The following COX11 variants were observed in gnomAD, a reference collection of about 807,000 sequenced individuals.
COX11 encodes cytochrome c oxidase assembly protein COX11, mitochondrial.
Under a neutral mutation model 29.4 loss-of-function variants are expected in COX11, and 18 were observed. The observed-to-expected ratio is 0.61, with a 90% CI of 0.42 to 0.91. COX11 has a LOEUF of 0.91. COX11 is among the 40% of genes least tolerant of loss of function. The pLI is 0.00. For missense variants in COX11, 312 were observed against 346.0 expected, an observed-to-expected ratio of 0.90 and a Z score of 0.78; for synonymous variants, 131 against 124.0, an observed-to-expected ratio of 1.06 and a Z score of -0.38.
Position 54,964,872 on chromosome 17 carries a change from A to G in COX11, c.367-20T>C, listed in dbSNP as rs781387553. ...AGTAGTCTAGAAAAAGATACCAAAT[A>G]TGTTAAACAATACTTTTAGGTGTTG... is the stretch of plus-strand genomic sequence containing the variant. On this transcript the variant is annotated intron_variant, in intron 1 of 3. Transcript: ENST00000299335. The G allele has an allele frequency of 1.9e-6, 3 of 1,606,284 alleles. No individual in the cohort carries two copies. In the African/African-American group the frequency reaches 4.0e-5, roughly 22 times the overall value.
At chr17:54,955,753 C>T (rs1170081884), downstream of COX11, among the ~76,000 whole-genome samples, 1 of 152,176 alleles carries the variant, frequency 6.6e-6, no homozygotes, top group Non-Finnish European at 1.5e-5. Flanking sequence ...GACCTAGGTC[C>T]TAATCCTGAC....
chr17:54,957,342 T>C (rs187055905), downstream of COX11: 1 of 152,248 alleles, frequency 6.6e-6, no homozygotes, highest in African/African-American at 2.4e-5. Context: ...TTCTGCCTGA[T>C]AGAGTAGATA....
At chr17:54,960,054 TAA>T (rs1323956066), downstream of COX11, among the ~76,000 whole-genome samples, 3 of 152,130 alleles carry the variant, frequency 2.0e-5, no homozygotes, top group African/African-American at 7.2e-5. Context: ...TACATACTTT[TAA>T]GAGACATAGG....
At chr17:54,963,507 A>C in intron 2 of COX11, 76 bp from the exon 3 acceptor site, 24 of 1,446,802 alleles carry the variant, frequency 1.7e-5, no homozygotes, top group Non-Finnish European at 2.0e-5. Context: ...AATTAGTCTC[A>C]TTATTTTGCC....
intron 1 of COX11, among the ~76,000 whole-genome samples, chr17:54,967,381 G>A (rs2077257350): frequency 6.6e-6 from 1 of 152,174 alleles, no homozygotes; most frequent in Admixed American, 6.5e-5. Flanking sequence ...CTCTGGGGTA[G>A]GGGATCCCTG....
exon 1 of COX11, chr17:54,955,122 T>C (rs1167065938): frequency 6.6e-6 from 1 of 152,212 alleles, no homozygotes; most frequent in Non-Finnish European, 1.5e-5. Flanking sequence ...AGATTAATGA[T>C]GACACAAATC....
Position 54,964,862 on chromosome 17 carries a change from G to T in COX11, c.367-10C>A, listed in dbSNP as rs747003204. The T allele has an allele frequency of 1.2e-6, 2 of 1,610,276 alleles. No individual in the cohort carries two copies. The highest frequency in any genetic ancestry group is 4.5e-5 in the East Asian group (2 of 44,846). On this transcript the variant is annotated splice_polypyrimidine_tract_variant and intron_variant, in intron 1 of 3. Transcript: ENST00000299335. Reference sequence around the variant, plus strand: ...CTCCAAGTCCAGTAGTCTAGAAAAAGATACCAAATATGTTAAACAATACTT... The same window carrying T: ...CTCCAAGTCCAGTAGTCTAGAAAAATATACCAAATATGTTAAACAATACTT...
At chr17:54,955,915 C>G (rs946183081), downstream of COX11, among the ~76,000 whole-genome samples, 1 of 152,172 alleles carries the variant, frequency 6.6e-6, no homozygotes, top group Non-Finnish European at 1.5e-5. Context: ...GTGGACTACA[C>G]TAGACACCAG....
At chr17:54,956,041 G>A (rs1208711574), downstream of COX11, among the ~76,000 whole-genome samples, 2 of 152,174 alleles carry the variant, frequency 1.3e-5, no homozygotes, top group Non-Finnish European at 2.9e-5. Flanking sequence ...GGGAGGTCAA[G>A]TCAGGGCTCA....
intron 3 of COX11, 49 bp from the exon 4 acceptor site, chr17:54,962,964 T>A (rs1291415232): frequency 1.3e-6 from 2 of 1,484,790 alleles, no homozygotes; most frequent in Non-Finnish European, 1.9e-6. Flanking sequence ...TCGTATTACA[T>A]AACAGAAACT....
At chr17:54,952,804 C>T (rs2049303359) in exon 1 of COX11, 1 of 152,254 alleles carries the variant, frequency 6.6e-6, no homozygotes, top group Non-Finnish European at 1.5e-5. Flanking sequence ...GGAACTAGGG[C>T]CAGCATGGCA....
chr17:54,960,543 T>C lies in COX11; in HGVS notation c.*2190A>G. On this transcript the variant is annotated 3_prime_UTR_variant, in exon 4 of 4. Transcript: ENST00000299335. ...ACTTTGAAATTGATACATAACCCTTTTGCTGTGATGGCTTTGTTTCAGAGC... is the reference window on the plus strand; with the variant it reads ...ACTTTGAAATTGATACATAACCCTTCTGCTGTGATGGCTTTGTTTCAGAGC... The C allele has an allele frequency of 6.2e-7, 1 of 1,605,538 alleles. No homozygotes were observed. The highest frequency in any genetic ancestry group is 2.2e-5 in the East Asian group (1 of 44,782).
intron 1 of COX11, among the ~76,000 whole-genome samples, chr17:54,967,979 G>T (rs1400053883): frequency 2.8e-5 from 4 of 145,344 alleles, no homozygotes; most frequent in African/African-American, 1.0e-4. Context: ...CTAGATACCC[G>T]GTTAGAGGCT....
rs539645216 is a variant in COX11, at chr17:54,952,272, G to A, written n.2878C>T. ...AACAGAATTAGAAGTATGGCTATTAGGCCTGATGTGGTGGCTCACCCCTGT... is the reference window on the plus strand; with the variant it reads ...AACAGAATTAGAAGTATGGCTATTAAGCCTGATGTGGTGGCTCACCCCTGT... On this transcript the variant is annotated non_coding_transcript_exon_variant, in exon 1 of 1. Transcript: ENST00000572088. 5.3e-5 allele frequency: 8 copies of A among 152,246 alleles called. No individual in the cohort carries two copies. The East Asian group carries it at 1.5e-3, about 29-fold the overall frequency. 9.4% of individuals were successfully genotyped at this position (152,246 alleles called of 1,614,324 possible).
At position 54,961,552 on chromosome 17, in the gene COX11, A is replaced by G; in HGVS notation, c.*1181T>C. On this transcript the variant is annotated 3_prime_UTR_variant, in exon 4 of 4. Coordinates refer to ENST00000299335, the MANE Select transcript of COX11 (RefSeq NM_004375.5). ...TTCACAGGCCTTCCTACATTTAGAA[A>G]TCGTCACACAGCTGTGATAAGAGTA... 1 of 1,365,082 alleles carries G rather than the reference A, an allele frequency of 7.3e-7. No individual in the cohort carries two copies. Among genetic ancestry groups the G allele is most frequent in the Non-Finnish European group, 9.4e-7 (1 of 1,060,768 alleles). The allele number at this position is 1,365,082 out of a possible 1,614,324, so 84.6% of individuals were successfully genotyped here.
rs559184696 is a variant in COX11 at position 54,962,679 on chromosome 17, G to A, written c.*54C>T. 6.3e-7 allele frequency: 1 copy of A among 1,580,474 alleles called. No individual in the cohort carries two copies. The highest frequency in any genetic ancestry group is 1.4e-5 in the African/African-American group (1 of 73,448). On this transcript the variant is annotated 3_prime_UTR_variant, in exon 4 of 4. Transcript: ENST00000299335. ...CAATATTTCTCCTTTGAGAAGATAG[G>A]ATATATGATTTTCCCAAAAATCACA...
intron 1 of COX11, among the ~76,000 whole-genome samples, chr17:54,965,397 T>C (rs1458456022): frequency 6.6e-6 from 1 of 152,244 alleles, no homozygotes; most frequent in East Asian, 1.9e-4. Context: ...CGTTGGTTAA[T>C]GGTTTTGAAT....
In COX11 at chr17:54,962,561, T is replaced by C. The variant is rs1443436822; in HGVS notation, c.*172A>G. On this transcript the variant is annotated 3_prime_UTR_variant, in exon 4 of 4. Coordinates refer to ENST00000299335, the MANE Select transcript of COX11 (RefSeq NM_004375.5). ...TCTAGCTAGGCATATGAGTTTCTTATGATAAAAGCTGAACTTGTTCTCTCA... is the reference window on the plus strand; with the variant it reads ...TCTAGCTAGGCATATGAGTTTCTTACGATAAAAGCTGAACTTGTTCTCTCA... 1.5e-6 allele frequency: 2 copies of C among 1,328,740 alleles called. No individual in the cohort carries two copies. The highest frequency in any genetic ancestry group is 1.9e-6 in the Non-Finnish European group (2 of 1,042,530). 82.3% of individuals were successfully genotyped at this position (1,328,740 alleles called of 1,614,324 possible). A position where few individuals can be genotyped will look rare whatever the true frequency, so the allele number is the denominator to read the frequency against.
At chr17:54,966,985 A>T (rs1398193394) in intron 1 of COX11, among the ~76,000 whole-genome samples, 2 of 151,866 alleles carry the variant, frequency 1.3e-5, no homozygotes, top group African/African-American at 2.4e-5. Context: ...GACCAGCCTG[A>T]GCAACATAGG....
Sources: allele counts gnomAD v4.1 joint callset (sites outside exome capture counted in the v4.1 genomes callset), GRCh38; gene constraint gnomAD v4.1.1; transcripts MANE v1.5; gene names NCBI Gene and HGNC (gene_info 2026-07-23, HGNC 2026-07-21).